METAP1D: variants seen among roughly 807,000 people sequenced by gnomAD.
METAP1D encodes methionyl aminopeptidase type 1D, mitochondrial.
Under a neutral mutation model 40.5 loss-of-function variants are expected in METAP1D, and 31 were observed. That is an observed-to-expected ratio of 0.77 (90% CI 0.58 to 1.03). The LOEUF is 1.03. Among genes scored for constraint, METAP1D ranks in the 50% least tolerant of loss-of-function variants. The probability of loss-of-function intolerance (pLI) is 0.00; values close to 1 mark genes in which losing one functional copy is unlikely to be tolerated. For missense variants in METAP1D, 411 were observed against 420.7 expected, an observed-to-expected ratio of 0.98 and a Z score of 0.20; for synonymous variants, 151 against 146.4, an observed-to-expected ratio of 1.03 and a Z score of -0.22.
At chr2:172,012,648 GA>G (rs145266057) in intron 1 of METAP1D, among the ~76,000 whole-genome samples, 36,118 of 152,044 alleles carry the variant, frequency 0.24, 4,951 homozygotes, top group Middle Eastern at 0.38. Flanking sequence ...CTTGTTTCAT[GA>G]GGGTCAGATT....
At position 172,036,065 on chromosome 2, in the gene METAP1D, G is replaced by C. The variant is rs188076711; in HGVS notation, c.41-25433G>C. 2.4e-3 allele frequency among the ~76,000 whole-genome samples: 358 copies of C among 152,034 alleles called. 3 individuals carry two copies. The highest frequency in any genetic ancestry group is 4.7e-3 in the African/African-American group (194 of 41,496). On this transcript the variant is annotated intron_variant, in intron 1 of 9. Coordinates refer to ENST00000315796, the MANE Select transcript of METAP1D (RefSeq NM_199227.3). ...GGGCATGATGGTTCATGCCTGTAATGCCAGCACTTTGGGAGGCCAAGGTGG... is the reference window on the plus strand; with the variant it reads ...GGGCATGATGGTTCATGCCTGTAATCCCAGCACTTTGGGAGGCCAAGGTGG...
chr2:172,014,775 C>T (rs1447697205), intron 1 of METAP1D, among the ~76,000 whole-genome samples: 3 of 152,138 alleles, frequency 2.0e-5, no homozygotes, highest in Non-Finnish European at 4.4e-5. Flanking sequence ...GCCTCAGCCT[C>T]CCGAGTAGCT....
rs1559023358 is a variant in METAP1D at position 172,077,914 on chromosome 2, G to A, written c.802+20G>A. ...ATCATGGTAAGAAAGTTCATTTGGA[G>A]GCTGTTTCTTGATCAGAGATCAAGA... On this transcript the variant is annotated intron_variant, in intron 7 of 9. Coordinates refer to ENST00000315796, the MANE Select transcript of METAP1D (RefSeq NM_199227.3). 8.6e-6 allele frequency: 12 copies of A among 1,401,386 alleles called. No homozygotes were observed. Among genetic ancestry groups the A allele is most frequent in the Non-Finnish European group, 1.2e-5 (12 of 991,490 alleles). The allele number at this position is 1,401,386 out of a possible 1,614,324, so 86.8% of individuals were successfully genotyped here.
chr2:172,034,076 CA>C (rs1491369972), intron 1 of METAP1D, among the ~76,000 whole-genome samples: 2 of 39,118 alleles, frequency 5.1e-5, no homozygotes, highest in African/African-American at 1.9e-4. Flanking sequence ...GACTTCATCT[CA>C]AAAAAAAAAA....
intron 1 of METAP1D, among the ~76,000 whole-genome samples, chr2:172,052,075 C>A (rs788167): frequency 0.031 from 4,713 of 152,182 alleles, 264 homozygotes; most frequent in African/African-American, 0.11. Flanking sequence ...AAGTATTATG[C>A]CCACATATTT....
chr2:172,010,858 G>A (rs1308804104), intron 1 of METAP1D, among the ~76,000 whole-genome samples: 1 of 150,712 alleles, frequency 6.6e-6, no homozygotes, highest in African/African-American at 2.4e-5. Flanking sequence ...AGGTTCAAGC[G>A]ATTGTCCTGC....
intron 1 of METAP1D, among the ~76,000 whole-genome samples, chr2:172,049,031 C>T (rs1334473138): frequency 1.3e-5 from 2 of 152,166 alleles, no homozygotes; most frequent in Non-Finnish European, 2.9e-5. Context: ...GTTGCCTAGG[C>T]TGAAGTGCAG....
chr2:172,075,101 G>A (rs549462793), intron 6 of METAP1D, among the ~76,000 whole-genome samples: 3 of 152,292 alleles, frequency 2.0e-5, no homozygotes, highest in Admixed American at 1.3e-4. Flanking sequence ...TCTTTTTCAT[G>A]TATAAACTGT....
rs767927573 is a variant in METAP1D, at chr2:172,082,420, A to T, written c.*2014A>T. On this transcript the variant is annotated 3_prime_UTR_variant, in exon 10 of 10. Transcript: ENST00000315796. ...GTTTATAATTCCATTTATTAAAGGG[A>T]CTAACCTAAAGTGTGTGGGTGTATA... 3.3e-5 allele frequency: 5 copies of T among 152,246 alleles called. No homozygotes were observed. The highest frequency in any genetic ancestry group is 7.3e-5 in the Non-Finnish European group (5 of 68,050). 9.4% of individuals were successfully genotyped at this position (152,246 alleles called of 1,614,324 possible).
Position 172,042,514 on chromosome 2 carries a change from TATGTGTAC to T in METAP1D, c.41-18973_41-18966del, listed in dbSNP as rs1423172712. Among the ~76,000 whole-genome samples the T allele has an allele frequency of 2.3e-4, 11 of 47,992 alleles. 4 individuals are homozygous for T. Among genetic ancestry groups the T allele is most frequent in the African/African-American group, 8.0e-4 (9 of 11,318 alleles). The allele number at this position is 47,992 out of a possible 152,430, so 31.5% of individuals were successfully genotyped here. A position where few individuals can be genotyped will look rare whatever the true frequency, so the allele number is the denominator to read the frequency against. On this transcript the variant is annotated intron_variant, in intron 1 of 9. Coordinates refer to ENST00000315796, the MANE Select transcript of METAP1D (RefSeq NM_199227.3). ...GTACATATATACATATATACATATG[TATGTGTAC>T]ATGTGTACATATATACATATATGTG...
At chr2:172,053,409 G>GT (rs985442513) in intron 1 of METAP1D, among the ~76,000 whole-genome samples, 11 of 151,866 alleles carry the variant, frequency 7.2e-5, no homozygotes, top group Non-Finnish European at 1.2e-4. Flanking sequence ...AGTAAGTTGG[G>GT]TTTTTTTTCT....
intron 5 of METAP1D, chr2:172,070,694 T>G (rs1442741587): frequency 1.2e-5 from 3 of 244,734 alleles, no homozygotes; most frequent in African/African-American, 4.5e-5. Context: ...TTAACATAGT[T>G]GTTTTTAAAT....
intron 1 of METAP1D, among the ~76,000 whole-genome samples, chr2:172,019,652 G>A (rs1008780132): frequency 1.3e-5 from 2 of 151,992 alleles, no homozygotes; most frequent in South Asian, 2.1e-4. Context: ...CAGGTGCAGC[G>A]GCCTCTTCCG....
At chr2:172,059,917 G>A (rs939931857) in intron 1 of METAP1D, among the ~76,000 whole-genome samples, 1 of 152,118 alleles carries the variant, frequency 6.6e-6, no homozygotes, top group African/African-American at 2.4e-5. Flanking sequence ...CGGGCCTGGT[G>A]GTGCGCGCCT....
chr2:172,061,741 T>G (rs1690148678), intron 2 of METAP1D, 86 bp downstream of exon 2: 12 of 1,233,740 alleles, frequency 9.7e-6, no homozygotes, highest in Non-Finnish European at 1.3e-5. Flanking sequence ...GCACCTTTGA[T>G]TTCTGAGCCA....
In METAP1D at chr2:172,042,500, CAT is replaced by C. The variant is rs1475272841; in HGVS notation, c.41-18992_41-18991del. Among the ~76,000 whole-genome samples the C allele has an allele frequency of 4.2e-5, 2 of 47,682 alleles. 1 individual carries two copies. The highest frequency in any genetic ancestry group is 1.8e-4 in the African/African-American group (2 of 11,234). The allele number at this position is 47,682 out of a possible 152,430, so 31.3% of individuals were successfully genotyped here. A position where few individuals can be genotyped will look rare whatever the true frequency, so the allele number is the denominator to read the frequency against. On this transcript the variant is annotated intron_variant, in intron 1 of 9. Coordinates refer to ENST00000315796, the MANE Select transcript of METAP1D (RefSeq NM_199227.3). ...GTGTGTGTACATGTGTACATATATA[CAT>C]ATATACATATGTATGTGTACATGTG... is the stretch of plus-strand genomic sequence containing the variant.
chr2:172,000,164 C>A (rs552682294), intron 1 of METAP1D, among the ~76,000 whole-genome samples, 155 bp downstream of exon 1: 1 of 152,254 alleles, frequency 6.6e-6, no homozygotes, highest in South Asian at 2.1e-4. Context: ...CACGATGACA[C>A]ATTCACACAC....
Position 172,061,636 on chromosome 2 carries a change from C to G in METAP1D, c.179C>G (p.Ser60Ter). The G allele has an allele frequency of 6.2e-7, 1 of 1,612,178 alleles. No homozygotes were observed. The highest frequency in any genetic ancestry group is 1.1e-5 in the South Asian group (1 of 90,470). ...ATAGTTTTGCCGGCTGCAGTTTCTTCAGCTCATCCGGTTCCTAAGGTACTG... is the reference window on the plus strand; with the variant it reads ...ATAGTTTTGCCGGCTGCAGTTTCTTGAGCTCATCCGGTTCCTAAGGTACTG... ...HSIVLPAAVS[S>*]AHPVPKHIKK... The change falls in exon 2 of 10, where the codon TCA becomes TGA. Residue 60 changes from serine to a stop codon, truncating the protein, a stop_gained. Coordinates refer to ENST00000315796, the MANE Select transcript of METAP1D (RefSeq NM_199227.3). LOFTEE classifies it high-confidence loss of function.
intron 1 of METAP1D, among the ~76,000 whole-genome samples, chr2:172,016,416 G>A (rs1574093188): frequency 7.0e-6 from 1 of 143,884 alleles, no homozygotes; most frequent in African/African-American, 2.6e-5. Context: ...CCAGAAGTTC[G>A]AGACCAGCCT....
Sources: gnomAD v4.1 joint callset for allele counts (sites outside exome capture counted in the v4.1 genomes callset) on GRCh38, gnomAD v4.1.1 for gene constraint, MANE v1.5 for transcripts, NCBI Gene and HGNC (gene_info 2026-07-23, HGNC 2026-07-21) for gene names.